The following OTOP3 variants were observed in gnomAD, a reference collection of about 807,000 sequenced individuals.
OTOP3 encodes the protein proton channel OTOP3.
OTOP3 carries 41 observed loss-of-function variants against 50.8 expected under a neutral mutation model. The ratio of observed to expected loss-of-function variants is 0.81; its 90% CI spans 0.63 to 1.05. OTOP3 has a LOEUF of 1.05. Ranked by LOEUF, OTOP3 falls within the 50% of genes least tolerant of loss-of-function variation. The pLI, the probability that OTOP3 is intolerant of heterozygous loss-of-function variation, is 0.00. For synonymous variants in OTOP3, 320 were observed against 324.4 expected (o/e 0.99, Z 0.14); for missense variants, 788 against 760.8 (o/e 1.04, Z -0.42).
upstream of OTOP3, chr17:74,935,819 A>G (rs1365017066): frequency 1.1e-5 from 16 of 1,516,426 alleles, no homozygotes; most frequent in Non-Finnish European, 1.4e-5. Context: ...GCGGAGCCCG[A>G]GCGGCGGCTG....
intron 3 of OTOP3, 83 bp downstream of exon 3, chr17:74,942,120 C>G: frequency 6.7e-7 from 1 of 1,489,036 alleles, no homozygotes. Context: ...CTACCTATGC[C>G]TAGGAACAGC....
rs140108497 is a variant in OTOP3 at position 74,943,674 on chromosome 17, T to C, written c.701T>C (p.Met234Thr). The change falls in exon 5 of 7, where the codon ATG becomes ACG. Residue 234 changes from methionine to threonine, a missense_variant. Met to Thr is a moderately conservative substitution (Grantham distance 81). Coordinates refer to ENST00000328801, the MANE Select transcript of OTOP3 (RefSeq NM_001272005.2). ...LWVLAVTNDS[M>T]HREIEAELGI... ...GTTCTGGCCGTTACCAATGACTCCA[T>C]GCACCGAGAGATCGAAGCTGAGCTT... 7 of 1,611,808 alleles carry C rather than the reference T, an allele frequency of 4.3e-6. No homozygotes were observed. The highest frequency in any genetic ancestry group is 2.7e-5 in the African/African-American group (2 of 74,506).
intron 1 of OTOP3, among the ~76,000 whole-genome samples, chr17:74,937,580 A>G (rs1212096091): frequency 1.3e-5 from 2 of 152,064 alleles, no homozygotes; most frequent in East Asian, 1.9e-4. Context: ...GGAGCTTAGG[A>G]GGGAAAGATA....
intron 1 of OTOP3, among the ~76,000 whole-genome samples, chr17:74,936,961 C>CTGT (rs2039124149): frequency 9.9e-6 from 1 of 101,308 alleles, no homozygotes; most frequent in Non-Finnish European, 2.0e-5. Context: ...CCCCCCCACC[C>CTGT]TTTTTTTTTT....
Position 74,938,205 on chromosome 17 carries a change from T to C in OTOP3, c.19+2265T>C, listed in dbSNP as rs1346887316. The stretch of plus-strand genomic sequence containing the variant: ...AAGAGAACAGCAGAAGGTATAAATA[T>C]GGAGCAGGTGGAGAATGGGAGAATA... On this transcript the variant is annotated intron_variant, in intron 1 of 6. Coordinates refer to ENST00000328801, the MANE Select transcript of OTOP3 (RefSeq NM_001272005.2). Among the ~76,000 whole-genome samples, 4 of 152,074 alleles carry C rather than the reference T, an allele frequency of 2.6e-5. No individual in the cohort carries two copies. The East Asian group carries it at 5.8e-4, about 22-fold the overall frequency.
At chr17:74,936,961 C>CCCTTT (rs1555629576) in intron 1 of OTOP3, among the ~76,000 whole-genome samples, 26 of 101,312 alleles carry the variant, frequency 2.6e-4, no homozygotes, top group East Asian at 8.7e-4. Flanking sequence ...CCCCCCCACC[C>CCCTTT]TTTTTTTTTT....
At chr17:74,946,587 G>A in intron 5 of OTOP3, 74 bp from the exon 6 acceptor site, 2 of 1,301,166 alleles carry the variant, frequency 1.5e-6, no homozygotes, top group South Asian at 2.7e-5. Context: ...GGAATGGGAG[G>A]TATCTGTGTA....
At chr17:74,939,726 G>A (rs796715835) in intron 1 of OTOP3, among the ~76,000 whole-genome samples, 35 of 152,048 alleles carry the variant, frequency 2.3e-4, no homozygotes, top group South Asian at 4.2e-4. Context: ...CCAGGCACTC[G>A]TGGGACTTCC....
rs28494083 is a variant in OTOP3, at chr17:74,943,727, A to G, written c.751+3A>G. ...CATCCTCATGGAAAAATCCACAGGT[A>G]TGGAAAGGAGACCAGGTCTTCCTTG... On this transcript the variant is annotated splice_donor_region_variant and intron_variant, in intron 5 of 6. Transcript: ENST00000328801. The G allele has an allele frequency of 2.5e-6, 4 of 1,595,924 alleles. No individual in the cohort carries two copies. The highest frequency in any genetic ancestry group is 1.1e-5 in the South Asian group (1 of 90,712).
rs2039239135 is a variant in OTOP3, at chr17:74,947,330, A to G, written c.1421A>G (p.Glu474Gly). 6.2e-7 allele frequency: 1 copy of G among 1,613,102 alleles called. No individual in the cohort carries two copies. The highest frequency in any genetic ancestry group is 1.7e-5 in the Admixed American group (1 of 59,988). ...PEGLAGKQEAEPPRRGSLLEL... is the reference protein window; with the variant it reads ...PEGLAGKQEAGPPRRGSLLEL... ...GGCCTGGCAGGAAAGCAGGAGGCTG[A>G]GCCTCCCCGCAGAGGCTCCTTGCTG... The change falls in exon 6 of 7, where the codon GAG becomes GGG. Residue 474 changes from glutamate to glycine, a missense_variant. Glu to Gly is a moderately conservative substitution (Grantham distance 98). Transcript: ENST00000328801.
chr17:74,946,534 T>G (rs541389038), intron 5 of OTOP3, 127 bp from the exon 6 acceptor site: 5 of 757,768 alleles, frequency 6.6e-6, no homozygotes, highest in Non-Finnish European at 1.0e-5. Flanking sequence ...TCCACATTGG[T>G]AAAATGAGCG....
intron 6 of OTOP3, among the ~76,000 whole-genome samples, chr17:74,948,652 T>A (rs966670263): frequency 4.1e-5 from 6 of 146,546 alleles, no homozygotes; most frequent in African/African-American, 1.5e-4. Flanking sequence ...AGAGTGAGAC[T>A]CTGTATCTTA....
At chr17:74,936,048 T>G (rs2039111700) in intron 1 of OTOP3, 108 bp downstream of exon 1, 2 of 1,488,054 alleles carry the variant, frequency 1.3e-6, no homozygotes, top group African/African-American at 1.4e-5. Flanking sequence ...CTGCAGGGAT[T>G]GGAACGGGAA....
Position 74,949,321 on chromosome 17 carries a change from A to T in OTOP3, c.1642A>T (p.Ile548Leu). ...GLEKDFYGYQ[I>L]WFAIVNFGLP... ...AGAAAAGGATTTCTACGGCTACCAG[A>T]TATGGTTCGCCATCGTCAACTTCGG... is the stretch of plus-strand genomic sequence containing the variant. Residue 548 changes from isoleucine (I) to leucine (L), a missense_variant, in exon 7 of 7, where the codon ATA becomes TTA. By Grantham distance (5) the Ile-to-Leu change is conservative. Transcript: ENST00000328801. 1 of 1,613,988 alleles carries T rather than the reference A, an allele frequency of 6.2e-7. No individual in the cohort carries two copies. Among genetic ancestry groups the T allele is most frequent in the African/African-American group, 1.3e-5 (1 of 75,006 alleles).
intron 1 of OTOP3, among the ~76,000 whole-genome samples, chr17:74,938,793 A>G (rs2039143318): frequency 6.6e-6 from 1 of 152,124 alleles, no homozygotes; most frequent in Non-Finnish European, 1.5e-5. Flanking sequence ...CAGGACTTTA[A>G]GTAGGGGAGA....
intron 1 of OTOP3, 44 bp from the exon 2 acceptor site, chr17:74,941,349 A>C (rs1029337607): frequency 3.2e-5 from 46 of 1,448,264 alleles, no homozygotes; most frequent in Non-Finnish European, 4.0e-5. Context: ...ACTTGAACCC[A>C]GGACAGCCTG....
chr17:74,935,822 GGCGGCTGC>G, upstream of OTOP3: 4 of 1,515,942 alleles, frequency 2.6e-6, no homozygotes, highest in Middle Eastern at 6.8e-4. Flanking sequence ...GAGCCCGAGC[GGCGGCTGC>G]GCAGTCCCGC....
chr17:74,943,497 G>A (rs115607177), intron 4 of OTOP3, 109 bp from the exon 5 acceptor site: 1 of 1,332,898 alleles, frequency 7.5e-7, no homozygotes, highest in South Asian at 1.2e-5. Context: ...GTGACACTAG[G>A]GAGTGAGTGG....
At chr17:74,936,954 C>G (rs1386654476) in intron 1 of OTOP3, among the ~76,000 whole-genome samples, 1 of 94,938 alleles carries the variant, frequency 1.1e-5, no homozygotes, top group Non-Finnish European at 2.3e-5. Context: ...TTCATCACCC[C>G]CCCACCCTTT....
Sources: allele counts gnomAD v4.1 joint callset (sites outside exome capture counted in the v4.1 genomes callset), GRCh38; gene constraint gnomAD v4.1.1; transcripts MANE v1.5; gene names NCBI Gene and HGNC (gene_info 2026-07-23, HGNC 2026-07-21).